Variants in VPS13B observed in about 807,000 individuals in gnomAD.
VPS13B encodes vacuolar protein sorting 13 homolog B.
A neutral mutation model predicts 426.4 loss-of-function variants in VPS13B; 285 were observed. The observed-to-expected ratio is 0.67, with a 90% confidence interval of 0.61 to 0.74. The LOEUF (loss-of-function observed/expected upper bound fraction) is 0.74, where lower values mean the gene tolerates loss of function less well. Ranked by LOEUF, VPS13B falls within the 30% of genes least tolerant of loss-of-function variation. VPS13B has a pLI of 0.00. For missense variants in VPS13B, 4,537 were observed against 4,782.6 expected (o/e 0.95, Z 1.51); for synonymous variants, 1,676 against 1,676.4 (o/e 1.00, Z 0.01).
At chr8:99,297,947 T>C (rs993134058) in intron 19 of VPS13B, among the ~76,000 whole-genome samples, 1 of 152,182 alleles carries the variant, frequency 6.6e-6, no homozygotes, top group Admixed American at 6.5e-5. Flanking sequence ...TATTTGGATA[T>C]TGGGATTTTT....
At chr8:99,532,385 A>G (rs1822978078) in intron 30 of VPS13B, among the ~76,000 whole-genome samples, 1 of 152,178 alleles carries the variant, frequency 6.6e-6, no homozygotes, top group African/African-American at 2.4e-5. Context: ...ACTGCATAGT[A>G]ATTTTGGCAA....
Position 99,821,457 on chromosome 8 carries a change from T to C in VPS13B, c.9158T>C (p.Leu3053Pro), listed in dbSNP as rs953473434. 4.3e-6 allele frequency: 7 copies of C among 1,613,784 alleles called. No homozygotes were observed. The highest frequency in any genetic ancestry group is 5.9e-6 in the Non-Finnish European group (7 of 1,179,744). The change falls in exon 50 of 62, where the codon CTT (leucine) becomes CCT (proline). Residue 3053 changes from leucine to proline, a missense_variant. By Grantham distance (98) the Leu-to-Pro change is moderately conservative. Coordinates refer to ENST00000357162, the MANE Select transcript of VPS13B (RefSeq NM_152564.5). Reference protein sequence around the residue: ...EEAFVDTEIRLGAFPGHQKLC... With the variant: ...EEAFVDTEIRPGAFPGHQKLC... ...GCGTTTGTTGATACTGAAATAAGAC[T>C]TGGTGCTTTTCCAGGACATCAGAAG... is the stretch of plus-strand genomic sequence containing the variant.
rs141637188 is a variant in VPS13B at position 99,440,970 on chromosome 8, T to C, written c.3211-1431T>C. 4.4e-3 allele frequency among the ~76,000 whole-genome samples: 674 copies of C among 152,208 alleles called. 2 individuals carry two copies. The highest frequency in any genetic ancestry group is 6.3e-3 in the Non-Finnish European group (431 of 67,944). On this transcript the variant is annotated intron_variant, in intron 22 of 61. Coordinates refer to ENST00000357162, the MANE Select transcript of VPS13B (RefSeq NM_152564.5). ...TTTAAATTGTGCAACTGAAAATTAC[T>C]AATGAATTATGTTAAATATTTTAAA...
intron 19 of VPS13B, among the ~76,000 whole-genome samples, chr8:99,360,913 A>T (rs1167984072): frequency 2.0e-5 from 3 of 152,154 alleles, no homozygotes; most frequent in Non-Finnish European, 1.5e-5. Flanking sequence ...TTGCATCATT[A>T]TTTACATCAC....
chr8:99,692,976 T>C (rs1035613957), intron 35 of VPS13B, among the ~76,000 whole-genome samples: 13 of 148,220 alleles, frequency 8.8e-5, no homozygotes, highest in South Asian at 2.2e-4. Context: ...ACACATACAC[T>C]CTCCCAAGAC....
chr8:99,870,664 A>T (rs544582256), intron 59 of VPS13B, 121 bp from the exon 60 acceptor site: 1 of 854,974 alleles, frequency 1.2e-6, no homozygotes, highest in Non-Finnish European at 2.0e-6. Flanking sequence ...GCTTCCAAAG[A>T]TGTGACATCA....
At chr8:99,283,451 T>G (rs1819268292) in intron 19 of VPS13B, among the ~76,000 whole-genome samples, 1 of 152,186 alleles carries the variant, frequency 6.6e-6, no homozygotes, top group African/African-American at 2.4e-5. Context: ...CCTGAATGAT[T>G]TCATGCTCCT....
At chr8:99,235,693 A>T (rs1816603703) in intron 17 of VPS13B, among the ~76,000 whole-genome samples, 1 of 152,186 alleles carries the variant, frequency 6.6e-6, no homozygotes, top group Non-Finnish European at 1.5e-5. Flanking sequence ...TTCTTAAGTG[A>T]TGCGTTACAT....
At chr8:99,659,061 C>CT (rs1830125201) in intron 34 of VPS13B, among the ~76,000 whole-genome samples, 1 of 152,104 alleles carries the variant, frequency 6.6e-6, no homozygotes, top group South Asian at 2.1e-4. Flanking sequence ...TCTCAAACTC[C>CT]TGGGTTCAAG....
chr8:99,507,943 C>T lies in VPS13B; in HGVS notation c.4224+740C>T, dbSNP rs1482897688. The T allele has an allele frequency of 3.1e-6, 5 of 1,613,832 alleles. No individual in the cohort carries two copies. The Admixed American group carries it at 8.3e-5, about 27-fold the overall frequency. ...AATTACTTTAAATTATGCTACACAACTCCCATTAACAGGAACCCAGAGAAG... is the reference window on the plus strand; with the variant it reads ...AATTACTTTAAATTATGCTACACAATTCCCATTAACAGGAACCCAGAGAAG... On this transcript the variant is annotated intron_variant, in intron 28 of 61. Coordinates refer to ENST00000357162, the MANE Select transcript of VPS13B (RefSeq NM_152564.5).
At chr8:99,127,984 T>A (rs905064635) in intron 8 of VPS13B, among the ~76,000 whole-genome samples, 5 of 152,166 alleles carry the variant, frequency 3.3e-5, no homozygotes, top group Non-Finnish European at 7.3e-5. Context: ...ATGAAGAACA[T>A]CTAGCCTCAC....
rs540350128 is a variant in VPS13B at position 99,790,820 on chromosome 8, A to G, written c.7941+6344A>G. Among the ~76,000 whole-genome samples the G allele has an allele frequency of 1.9e-4, 29 of 152,292 alleles. 1 individual carries two copies. The South Asian group carries it at 5.8e-3, about 31-fold the overall frequency. On this transcript the variant is annotated intron_variant, in intron 43 of 61. Coordinates refer to ENST00000357162, the MANE Select transcript of VPS13B (RefSeq NM_152564.5). ...AGCTAAGAGGACCAACATGTGTGAAAGCCACAGAGACATGAAACAATATGG... is the reference window on the plus strand; with the variant it reads ...AGCTAAGAGGACCAACATGTGTGAAGGCCACAGAGACATGAAACAATATGG...
At chr8:99,522,733 C>A (rs1375712682) in intron 30 of VPS13B, among the ~76,000 whole-genome samples, 1 of 152,104 alleles carries the variant, frequency 6.6e-6, no homozygotes, top group African/African-American at 2.4e-5. Context: ...TGCTGGATGG[C>A]AAACTCAACC....
intron 19 of VPS13B, among the ~76,000 whole-genome samples, chr8:99,370,460 C>T (rs549472796): frequency 5.8e-4 from 88 of 152,188 alleles, no homozygotes; most frequent in African/African-American, 2.1e-3. Flanking sequence ...CGAGAATCAG[C>T]TTGTATACAG....
rs1816469499 is a variant in VPS13B, at chr8:99,233,538, A to G, written c.2515+40481A>G. 2.6e-5 allele frequency: 29 copies of G among 1,132,492 alleles called. No individual in the cohort carries two copies. In the South Asian group the frequency reaches 3.4e-4, roughly 13 times the overall value. The allele number at this position is 1,132,492 out of a possible 1,614,324, so 70.2% of individuals were successfully genotyped here. On this transcript the variant is annotated intron_variant, in intron 17 of 61. Coordinates refer to ENST00000357162, the MANE Select transcript of VPS13B (RefSeq NM_152564.5). ...GATGCGGGAACGGGCCAAACTGGTG[A>G]TGGGGGTACAGGCTGGAGAAAGTAT...
At chr8:99,671,672 T>C (rs1830721830) in intron 35 of VPS13B, among the ~76,000 whole-genome samples, 2 of 152,164 alleles carry the variant, frequency 1.3e-5, no homozygotes, top group Non-Finnish European at 2.9e-5. Flanking sequence ...TTTTTGATTT[T>C]TGAGTGACGG....
chr8:99,842,076 C>G (rs979714109), intron 54 of VPS13B, among the ~76,000 whole-genome samples: 8 of 152,150 alleles, frequency 5.3e-5, no homozygotes, highest in African/African-American at 1.9e-4. Flanking sequence ...ATAATTCTTC[C>G]ATAGCATGGT....
At chr8:99,504,638 C>T (rs181629397) in intron 27 of VPS13B, among the ~76,000 whole-genome samples, 2 of 152,156 alleles carry the variant, frequency 1.3e-5, no homozygotes, top group Admixed American at 1.3e-4. Context: ...TTCAGGAGAC[C>T]ATGCTGTAAA....
chr8:99,082,335 T>C (rs1279924105), intron 3 of VPS13B, among the ~76,000 whole-genome samples: 1 of 152,224 alleles, frequency 6.6e-6, no homozygotes, highest in South Asian at 2.1e-4. Flanking sequence ...TAAATTTGTC[T>C]GAGTTCATTG....
Sources: gnomAD v4.1 joint callset for allele counts (sites outside exome capture counted in the v4.1 genomes callset) on GRCh38, gnomAD v4.1.1 for gene constraint, MANE v1.5 for transcripts, NCBI Gene and HGNC (gene_info 2026-07-23, HGNC 2026-07-21) for gene names.